Variants in ABCA4 observed in about 807,000 individuals in gnomAD.
ABCA4 encodes the protein ATP binding cassette subfamily A member 4.
ABCA4 carries 196 observed loss-of-function variants against 263.7 expected under a neutral mutation model. The ratio of observed to expected loss-of-function variants is 0.74; its 90% confidence interval spans 0.66 to 0.84. The LOEUF (loss-of-function observed/expected upper bound fraction) is 0.84, where lower values mean the gene tolerates loss of function less well. Ranked by LOEUF, ABCA4 falls within the 40% of genes least tolerant of loss-of-function variation. ABCA4 has a pLI of 0.00. For synonymous variants in ABCA4, 1,133 were observed against 1,094.2 expected, an observed-to-expected ratio of 1.04 and a Z score of -0.70; for missense variants, 2,792 against 2,855.1, an observed-to-expected ratio of 0.98 and a Z score of 0.50.
chr1:94,029,565 C>T lies in ABCA4; in HGVS notation c.4419G>A (p.Leu1473=). Residue 1473 remains leucine, a synonymous_variant, in exon 30 of 50, where the codon CTG becomes CTA. Transcript: ENST00000370225. ...TPSVSPNITQ[L]FQKQKWTQVN... ...CCTGTGTCCATTTCTGCTTCTGGAA[C>T]AGCTGGGTGATGTTTGGGGACACAG... The T allele has an allele frequency of 6.2e-7, 1 of 1,613,968 alleles. No homozygotes were observed. The highest frequency in any genetic ancestry group is 1.1e-5 in the South Asian group (1 of 90,970).
rs541120722 is a variant in ABCA4, at chr1:94,092,653, G to C, written c.768+6141C>G. 2.6e-5 allele frequency among the ~76,000 whole-genome samples: 4 copies of C among 152,226 alleles called. No individual in the cohort carries two copies. In the South Asian group the frequency reaches 8.3e-4, roughly 32 times the overall value. ...GTCTCAACTAGAGGGTGGGCTCTTG[G>C]GTATGTGAACAGACAAGTTATGAGA... is the stretch of plus-strand genomic sequence containing the variant. On this transcript the variant is annotated intron_variant, in intron 6 of 49. Coordinates refer to ENST00000370225, the MANE Select transcript of ABCA4 (RefSeq NM_000350.3).
rs201835773 is a variant in ABCA4, at chr1:93,993,185, C to T, written c.*52G>A. 136 of 1,613,424 alleles carry T rather than the reference C, an allele frequency of 8.4e-5. No homozygotes were observed. The highest frequency in any genetic ancestry group is 1.1e-4 in the Non-Finnish European group (130 of 1,179,678). The stretch of plus-strand genomic sequence containing the variant: ...ACCATATGGGCACAGGCTCCTGCGC[C>T]TCCAGCTGCCCAGAGTTCCTTTCTG... On this transcript the variant is annotated 3_prime_UTR_variant, in exon 50 of 50. Transcript: ENST00000370225.
Position 94,083,468 on chromosome 1 carries a change from T to A in ABCA4, c.769-27A>T, listed in dbSNP as rs777667394. On this transcript the variant is annotated intron_variant, in intron 6 of 49. Coordinates refer to ENST00000370225, the MANE Select transcript of ABCA4 (RefSeq NM_000350.3). ...TGTAATTGACAGTAAAACAATTTTT[T>A]AAATATATATATGTTTGTAGGTATA... 14 of 1,553,930 alleles carry A rather than the reference T, an allele frequency of 9.0e-6. No homozygotes were observed. In the East Asian group the frequency reaches 1.1e-4, roughly 12 times the overall value.
intron 24 of ABCA4, among the ~76,000 whole-genome samples, chr1:94,038,352 A>G (rs561578457): frequency 6.6e-6 from 1 of 152,334 alleles, no homozygotes; most frequent in South Asian, 2.1e-4. Context: ...TCTCTCGCAC[A>G]TTGTCTTGAG....
chr1:94,044,541 G>T, intron 20 of ABCA4, 72 bp downstream of exon 20: 1 of 1,612,280 alleles, frequency 6.2e-7, no homozygotes, highest in South Asian at 1.1e-5. Flanking sequence ...CCTGAGCTGG[G>T]CTCTAGAGAA....
At chr1:94,119,965 C>T (rs949263308) in intron 1 of ABCA4, among the ~76,000 whole-genome samples, 7 of 152,188 alleles carry the variant, frequency 4.6e-5, no homozygotes, top group African/African-American at 1.7e-4. Context: ...GGGTCCTAAT[C>T]TCACCCCTAC....
intron 38 of ABCA4, among the ~76,000 whole-genome samples, chr1:94,012,645 C>T (rs1659577656): frequency 6.6e-6 from 1 of 152,162 alleles, no homozygotes; most frequent in Admixed American, 6.5e-5. Context: ...CTTCCTCCAC[C>T]ACGGCTCCCC....
chr1:93,998,219 G>T, intron 47 of ABCA4, 109 bp from the exon 48 acceptor site: 1 of 1,468,752 alleles, frequency 6.8e-7, no homozygotes, highest in Non-Finnish European at 9.4e-7. Context: ...AGCTCAGCTT[G>T]GTGGCTCACA....
In ABCA4 at chr1:94,041,317, G is replaced by C. The variant is rs1038561486; in HGVS notation, c.3414C>G (p.Leu1138=). Residue 1138 remains leucine, a synonymous_variant, in exon 23 of 50, where the codon CTC becomes CTG. Transcript: ENST00000370225. ...DRIAIIAQGR[L]YCSGTPLFLK... is the part of the protein sequence containing the mutation. ...GGAAGAGTGGGGTGCCTGAGCAGTA[G>C]AGCCTTCCCTGGGCAATGATGGCAA... 18 of 1,614,028 alleles carry C rather than the reference G, an allele frequency of 1.1e-5. No homozygotes were observed. The highest frequency in any genetic ancestry group is 2.7e-5 in the African/African-American group (2 of 74,914).
rs61752422 is a variant in ABCA4 at position 94,037,255 on chromosome 1, T to G, written c.3703A>C (p.Asn1235His). ...TATGCTCTGTGCTTGAAGTTCTTAT[T>G]TGGAAGAAGGAAGATAAGTTCTTGA... ...IGQELIFLLP[N>H]KNFKHRAYAS... is the part of the protein sequence containing the mutation. Residue 1235 changes from asparagine (N) to histidine (H), a missense_variant, in exon 25 of 50, where the codon AAT becomes CAT. By Grantham distance (68) the Asn-to-His change is moderately conservative. Coordinates refer to ENST00000370225, the MANE Select transcript of ABCA4 (RefSeq NM_000350.3). 2 of 1,614,202 alleles carry G rather than the reference T, an allele frequency of 1.2e-6. No individual in the cohort carries two copies. Among genetic ancestry groups the G allele is most frequent in the Admixed American group, 3.3e-5 (2 of 60,022 alleles).
At position 94,077,997 on chromosome 1, in the gene ABCA4, G is replaced by T. The variant is rs74104506; in HGVS notation, c.1357-110C>A. The T allele has an allele frequency of 2.3e-3, 2,441 of 1,054,792 alleles. 53 individuals are homozygous for T. In the African/African-American group the frequency reaches 0.033, roughly 14 times the overall value. 65.3% of individuals were successfully genotyped at this position (1,054,792 alleles called of 1,614,324 possible). On this transcript the variant is annotated intron_variant, in intron 10 of 49. Coordinates refer to ENST00000370225, the MANE Select transcript of ABCA4 (RefSeq NM_000350.3). ...AGTGATTGAGGATAGAGATGCTAAG[G>T]CTCCCTGAAGAGCTGGTGAGCTTGT...
At chr1:94,021,819 A>G in intron 33 of ABCA4, 27 bp downstream of exon 33, 1 of 1,612,262 alleles carries the variant, frequency 6.2e-7, no homozygotes, top group Non-Finnish European at 8.5e-7. Context: ...CAAAAATCCT[A>G]CTCAAATCTC....
Position 94,007,619 on chromosome 1 carries a change from G to A in ABCA4, c.6005+15C>T, listed in dbSNP as rs774269418. 7 of 1,594,486 alleles carry A rather than the reference G, an allele frequency of 4.4e-6. No individual in the cohort carries two copies. In the East Asian group the frequency reaches 1.6e-4, roughly 36 times the overall value. Reference sequence around the variant, plus strand: ...TGTGAGAGACTCCCTGAGACAGGAGGAGCAGGATACTCACCTCTTGCCTGC... The same window carrying A: ...TGTGAGAGACTCCCTGAGACAGGAGAAGCAGGATACTCACCTCTTGCCTGC... On this transcript the variant is annotated intron_variant, in intron 43 of 49. Coordinates refer to ENST00000370225, the MANE Select transcript of ABCA4 (RefSeq NM_000350.3).
At chr1:94,005,741 G>A (rs1659360956) in intron 43 of ABCA4, among the ~76,000 whole-genome samples, 159 bp from the exon 44 acceptor site, 1 of 152,182 alleles carries the variant, frequency 6.6e-6, no homozygotes, top group Admixed American at 6.5e-5. Context: ...AATCAAAACA[G>A]GGGCCCTTCG....
At chr1:94,106,731 A>G (rs1469270251) in intron 4 of ABCA4, among the ~76,000 whole-genome samples, 1 of 152,222 alleles carries the variant, frequency 6.6e-6, no homozygotes, top group Non-Finnish European at 1.5e-5. Flanking sequence ...CAATCTGGTC[A>G]TACGCCTGTC....
chr1:94,093,241 G>C (rs1470721282), intron 6 of ABCA4, among the ~76,000 whole-genome samples: 2 of 152,166 alleles, frequency 1.3e-5, no homozygotes, highest in East Asian at 3.8e-4. Context: ...ATTAGTGGTA[G>C]GTAGAAAAAC....
In ABCA4 at chr1:94,031,942, G is replaced by A. The variant is rs755345494; in HGVS notation, c.3964C>T (p.Pro1322Ser). The A allele has an allele frequency of 4.3e-6, 7 of 1,614,098 alleles. No individual in the cohort carries two copies. The highest frequency in any genetic ancestry group is 3.3e-5 in the South Asian group (3 of 91,074). ...QTPQDSNVCS[P>S]GAPAAHPEGQ... is the part of the protein sequence containing the mutation. ...TCTGGGTGAGCAGCCGGCGCCCCTGGGGAGCAGACATTGGAGTCCTGGGGT... is the reference window on the plus strand; with the variant it reads ...TCTGGGTGAGCAGCCGGCGCCCCTGAGGAGCAGACATTGGAGTCCTGGGGT... The change falls in exon 27 of 50, where the codon CCA becomes TCA. Residue 1322 changes from proline (P) to serine (S), a missense_variant. Transcript: ENST00000370225.
chr1:93,995,990 G>T, intron 49 of ABCA4, 119 bp downstream of exon 49: 4 of 836,108 alleles, frequency 4.8e-6, no homozygotes, highest in Non-Finnish European at 7.9e-6. Flanking sequence ...CCGTGGTGTG[G>T]GTGGGGCTCT....
intron 11 of ABCA4, among the ~76,000 whole-genome samples, chr1:94,064,236 G>A (rs1338690333): frequency 3.9e-5 from 6 of 152,232 alleles, no homozygotes; most frequent in Non-Finnish European, 8.8e-5. Context: ...AAGAAGGAAA[G>A]ATAAACATCT....
Sources: gnomAD v4.1 joint callset for allele counts (sites outside exome capture counted in the v4.1 genomes callset) on GRCh38, gnomAD v4.1.1 for gene constraint, MANE v1.5 for transcripts, NCBI Gene and HGNC (gene_info 2026-07-23, HGNC 2026-07-21) for gene names.